AP3B2: variants seen among roughly 807,000 people sequenced by gnomAD.
AP3B2 encodes the protein AP-3 complex subunit beta-2.
AP3B2 carries 50 observed loss-of-function variants against 126.9 expected under a neutral mutation model. The ratio of observed to expected loss-of-function variants is 0.39; its 90% CI spans 0.31 to 0.50. The LOEUF (loss-of-function observed/expected upper bound fraction) is 0.50. Ranked by LOEUF, AP3B2 falls within the 20% of genes least tolerant of loss-of-function variation. The probability of loss-of-function intolerance (pLI) is 0.79; values close to 1 mark genes in which losing one functional copy is unlikely to be tolerated. For synonymous variants in AP3B2, 541 were observed against 565.0 expected, an observed-to-expected ratio of 0.96 and a Z score of 0.60; for missense variants, 1,177 against 1,426.4, an observed-to-expected ratio of 0.83 and a Z score of 2.82.
In AP3B2 at chr15:82,664,387, CTCCTCA is replaced by C. The variant is rs3217363; in HGVS notation, c.2235_2240del (p.Asp745_Glu746del). On this transcript the variant is annotated inframe_deletion, in exon 19 of 27. Transcript: ENST00000535359. This position sits in a 1 kb window ranked among gnomAD's most constrained non-coding sequence, Gnocchi z 4.5. ...CTCACCTCTCACTGCCTCTCCCTTT[CTCCTCA>C]TCCTCATCCTGGTCTTCATTGTCGG... 1,028 of 1,613,976 alleles carry C rather than the reference CTCCTCA, an allele frequency of 6.4e-4. 9 individuals are homozygous for C. The East Asian group carries it at 0.02, about 31-fold the overall frequency.
chr15:82,665,478 G>T lies in AP3B2; in HGVS notation c.1950C>A (p.Asp650Glu), dbSNP rs1419854307. Residue 650 changes from aspartate (D) to glutamate (E), a missense_variant, in exon 16 of 27, where the codon GAC becomes GAA. Coordinates refer to ENST00000535359, the MANE Select transcript of AP3B2 (RefSeq NM_001278512.2). The surrounding 1 kb of genome is among the most constrained non-coding windows in gnomAD (Gnocchi z 4.4). ...TGACCTCCACGTTGCGCACAGATGG[G>T]TCTGGGGCTTCCTCCGGCCAGTCTG... ...ELPDWPEEAPDPSVRNVEEED... is the reference protein window; with the variant it reads ...ELPDWPEEAPEPSVRNVEEED... 8 of 1,613,280 alleles carry T rather than the reference G, an allele frequency of 5.0e-6. No individual in the cohort carries two copies. The highest frequency in any genetic ancestry group is 1.7e-5 in the Admixed American group (1 of 59,972).
chr15:82,677,970 C>G (rs1327360352), intron 11 of AP3B2, 135 bp downstream of exon 11: 2 of 1,366,934 alleles, frequency 1.5e-6, no homozygotes, highest in Non-Finnish European at 2.0e-6. Flanking sequence ...CCAAAGCCAG[C>G]CAAACACATT....
At chr15:82,670,115 C>T (rs114314439) in intron 14 of AP3B2, among the ~76,000 whole-genome samples, 7 of 54,522 alleles carry the variant, frequency 1.3e-4, no homozygotes, top group Non-Finnish European at 2.0e-4. Flanking sequence ...TTTTTTTTGG[C>T]GGGGGGGGAC....
At chr15:82,705,849 T>C (rs2048788074) in intron 1 of AP3B2, among the ~76,000 whole-genome samples, 1 of 152,120 alleles carries the variant, frequency 6.6e-6, no homozygotes, top group African/African-American at 2.4e-5. Flanking sequence ...ACTAAACCAT[T>C]ATATAAACTC....
At chr15:82,708,273 G>A (rs1205375863) in intron 1 of AP3B2, among the ~76,000 whole-genome samples, 2 of 142,310 alleles carry the variant, frequency 1.4e-5, no homozygotes, top group East Asian at 2.1e-4. Flanking sequence ...CCCAAATCCT[G>A]TAAAACGGTC....
chr15:82,664,098 C>T lies in AP3B2; in HGVS notation c.2262-123G>A. On this transcript the variant is annotated intron_variant, in intron 19 of 26. Coordinates refer to ENST00000535359, the MANE Select transcript of AP3B2 (RefSeq NM_001278512.2). The surrounding 1 kb of genome is among the most constrained non-coding windows in gnomAD (Gnocchi z 4.5). ...GAGCCTGAGCCAGGAGGGTTCACAC[C>T]TGAGGTCCTATAGCAGGGACCCCGT... 2 of 1,437,476 alleles carry T rather than the reference C, an allele frequency of 1.4e-6. No homozygotes were observed. Among genetic ancestry groups the T allele is most frequent in the Non-Finnish European group, 1.8e-6 (2 of 1,091,706 alleles). 89.0% of individuals were successfully genotyped at this position (1,437,476 alleles called of 1,614,324 possible).
At chr15:82,689,270 G>A (rs1567270298) in intron 2 of AP3B2, 38 bp from the exon 3 acceptor site, 1 of 1,613,184 alleles carries the variant, frequency 6.2e-7, no homozygotes. Context: ...GAGGGACAAA[G>A]CGAGAGGCAC....
chr15:82,680,579 G>A lies in AP3B2; in HGVS notation c.948C>T (p.Arg316=). 6.3e-7 allele frequency: 1 copy of A among 1,589,544 alleles called. No individual in the cohort carries two copies. The highest frequency in any genetic ancestry group is 8.5e-7 in the Non-Finnish European group (1 of 1,174,796). The part of the protein sequence containing the change: ...LRNTKPLLQS[R]SAAVVMAVAQ... ...CCACCGCCATCACCACCGCGGCGCTGCGGCTCTGCAGCAGGGGTTTGGTGT... is the reference window on the plus strand; with the variant it reads ...CCACCGCCATCACCACCGCGGCGCTACGGCTCTGCAGCAGGGGTTTGGTGT... Residue 316 remains arginine (R), a synonymous_variant, in exon 8 of 27, where the codon CGC becomes CGT. Transcript: ENST00000535359. This position sits in a 1 kb window ranked among gnomAD's most constrained non-coding sequence, Gnocchi z 6.1.
intron 1 of AP3B2, among the ~76,000 whole-genome samples, chr15:82,708,195 C>A (rs1219262934): frequency 3.3e-5 from 5 of 151,958 alleles, no homozygotes; most frequent in Admixed American, 3.3e-4. Flanking sequence ...AAAGCTCCCC[C>A]ACTGAGCACC....
intron 1 of AP3B2, 85 bp from the exon 2 acceptor site, chr15:82,689,538 C>CA: frequency 7.4e-7 from 1 of 1,354,830 alleles, no homozygotes; most frequent in Non-Finnish European, 1.0e-6. Context: ...AAAGAAGGGA[C>CA]ATGGCCAGGG....
At chr15:82,663,656 G>C (rs1309646945) in intron 20 of AP3B2, 36 bp from the exon 21 acceptor site, 4 of 1,613,364 alleles carry the variant, frequency 2.5e-6, no homozygotes, top group African/African-American at 2.7e-5. Context: ...TGTGGGGAAG[G>C]GGAGCACCTT....
intron 1 of AP3B2, 56 bp downstream of exon 1, chr15:82,709,538 C>G (rs1019493433): frequency 5.3e-6 from 7 of 1,315,544 alleles, no homozygotes; most frequent in African/African-American, 3.1e-5. Flanking sequence ...TGCCCGCGCG[C>G]CTCGCCCGGT....
intron 26 of AP3B2, 22 bp downstream of exon 26, chr15:82,659,823 C>T (rs1197094993): frequency 1.2e-6 from 2 of 1,612,644 alleles, no homozygotes; most frequent in Non-Finnish European, 1.7e-6. Flanking sequence ...TCATCATTTC[C>T]CCTCTACTGG....
chr15:82,694,876 C>G (rs1399698898), intron 1 of AP3B2, among the ~76,000 whole-genome samples: 3 of 152,050 alleles, frequency 2.0e-5, no homozygotes, highest in Non-Finnish European at 4.4e-5. Flanking sequence ...TCTCTATACC[C>G]CATTTCTGAG....
chr15:82,690,847 G>C (rs544761963), intron 1 of AP3B2, among the ~76,000 whole-genome samples: 37 of 148,588 alleles, frequency 2.5e-4, no homozygotes, highest in Admixed American at 7.4e-4. Context: ...TAGTAGAGAC[G>C]GGGTTTCACC....
At position 82,681,112 on chromosome 15, in the gene AP3B2, C is replaced by G. The variant is rs202130220; in HGVS notation, c.588G>C (p.Thr196=). 216 of 1,613,538 alleles carry G rather than the reference C, an allele frequency of 1.3e-4. No homozygotes were observed. The highest frequency in any genetic ancestry group is 8.2e-4 in the Middle Eastern group (5 of 6,062). The change falls in exon 6 of 27, where the codon ACG becomes ACC. Residue 196 remains threonine, a splice_region_variant and synonymous_variant. Transcript: ENST00000535359. This position sits in a 1 kb window ranked among gnomAD's most constrained non-coding sequence, Gnocchi z 4.0. The part of the protein sequence containing the change: ...VIEKLLADKT[T]LVAGSVVMAF... ...TCCCGGAGCGCCCCTATACACGCAC[C>G]GTGGTCTTGTCAGCCAGAAGCTTCT... is the stretch of plus-strand genomic sequence containing the variant.
chr15:82,664,743 G>C lies in AP3B2; in HGVS notation c.2137+92C>G, dbSNP rs2048021444. 2 of 1,080,370 alleles carry C rather than the reference G, an allele frequency of 1.9e-6. No individual in the cohort carries two copies. The highest frequency in any genetic ancestry group is 1.5e-5 in the South Asian group (1 of 66,524). The allele number at this position is 1,080,370 out of a possible 1,614,324, so 66.9% of individuals were successfully genotyped here. On this transcript the variant is annotated intron_variant, in intron 18 of 26. Transcript: ENST00000535359. This position sits in a 1 kb window ranked among gnomAD's most constrained non-coding sequence, Gnocchi z 4.5. ...ATTCACAAGCAGGTGCACACCCCTA[G>C]ACACACAACCATATACATATACCCC...
Position 82,680,085 on chromosome 15 carries a change from C to T in AP3B2, c.1110+90G>A, listed in dbSNP as rs1400901217. On this transcript the variant is annotated intron_variant, in intron 9 of 26. Coordinates refer to ENST00000535359, the MANE Select transcript of AP3B2 (RefSeq NM_001278512.2). The surrounding 1 kb of genome is among the most constrained non-coding windows in gnomAD (Gnocchi z 6.1). ...CAGGGTATTCCTCCATCTTCCCTTT[C>T]CCCGGCCCCGGTCCCAGCCCCGACA... The T allele has an allele frequency of 1.8e-5, 28 of 1,542,618 alleles. No homozygotes were observed. Among genetic ancestry groups the T allele is most frequent in the Non-Finnish European group, 2.2e-5 (25 of 1,132,706 alleles).
At chr15:82,672,680 T>C (rs1291106692) in intron 14 of AP3B2, among the ~76,000 whole-genome samples, 1 of 152,200 alleles carries the variant, frequency 6.6e-6, no homozygotes, top group Non-Finnish European at 1.5e-5. Context: ...GATGTGATTG[T>C]TATGCATTAT....
Sources: allele counts gnomAD v4.1 joint callset (sites outside exome capture counted in the v4.1 genomes callset), GRCh38; gene constraint gnomAD v4.1.1; non-coding constraint Gnocchi (gnomAD v3.1); transcripts MANE v1.5; gene names NCBI Gene and HGNC (gene_info 2026-07-23, HGNC 2026-07-21).